SP140L: variants seen among roughly 807,000 people sequenced by gnomAD.
SP140L encodes SP140 like nuclear body protein, also known as nuclear body protein SP140-like protein.
In SP140L, 64 loss-of-function variants were observed where a neutral mutation model predicts 84.3. The observed-to-expected ratio is 0.76, with a 90% CI of 0.62 to 0.94. SP140L has a LOEUF of 0.94. SP140L is among the 40% of genes least tolerant of loss of function. The pLI is 0.00. For synonymous variants in SP140L, 242 were observed against 236.9 expected, an observed-to-expected ratio of 1.02 and a Z score of -0.20; for missense variants, 628 against 692.5, an observed-to-expected ratio of 0.91 and a Z score of 1.05.
Position 230,389,959 on chromosome 2 carries a change from T to A in SP140L, c.900T>A (p.Ala300=), listed in dbSNP as rs949388171. The stretch of plus-strand genomic sequence containing the variant: ...AAGATGAAACTGTGGATTTTCAGGC[T>A]CCTTTACTTCCAGTGACCTGTGGTG... The part of the protein sequence containing the change: ...KHKDETVDFQ[A]PLLPVTCGGV... The change falls in exon 11 of 19, where the codon GCT becomes GCA. Residue 300 remains alanine, a synonymous_variant. Transcript: ENST00000415673. 1 of 1,613,780 alleles carries A rather than the reference T, an allele frequency of 6.2e-7. No homozygotes were observed. The highest frequency in any genetic ancestry group is 8.5e-7 in the Non-Finnish European group (1 of 1,179,852).
rs544119270 is a variant in SP140L, at chr2:230,385,309, G to A, written c.784+5G>A. On this transcript the variant is annotated splice_donor_5th_base_variant and intron_variant, in intron 9 of 18. Transcript: ENST00000415673. ...AAGACCTTTCCAAGATTAGGGGTAAGATAAAGTTGGTACCACTTTTCATTT... is the reference window on the plus strand; with the variant it reads ...AAGACCTTTCCAAGATTAGGGGTAAAATAAAGTTGGTACCACTTTTCATTT... The A allele has an allele frequency of 1.2e-6, 2 of 1,613,356 alleles. No individual in the cohort carries two copies. Among genetic ancestry groups the A allele is most frequent in the Admixed American group, 1.7e-5 (1 of 59,992 alleles).
chr2:230,350,791 G>C (rs1387538549), intron 2 of SP140L, among the ~76,000 whole-genome samples: 1 of 152,148 alleles, frequency 6.6e-6, no homozygotes, highest in Non-Finnish European at 1.5e-5. Context: ...GTTGGTCAAA[G>C]AAAATCTCAT....
Position 230,357,815 on chromosome 2 carries a change from G to A in SP140L, c.118G>A (p.Glu40Lys). ...HSQSLQRLFT[E>K]DQDVDEGLVY... ...GTCCTTTTTCCTTAGGCTGTTCACG[G>A]AAGACCAGGATGTAGATGAGGGACT... The change falls in exon 3 of 19, where the codon GAA becomes AAA. Residue 40 changes from glutamate (E) to lysine (K), a missense_variant. Around this residue, in one of 4 missense-constraint regions of SP140L, gnomAD observed 525 missense variants for 518.4 expected, o/e 1.01. Coordinates refer to ENST00000415673, the MANE Select transcript of SP140L (RefSeq NM_138402.6). 4 of 1,610,286 alleles carry A rather than the reference G, an allele frequency of 2.5e-6. No homozygotes were observed. The highest frequency in any genetic ancestry group is 3.4e-6 in the Non-Finnish European group (4 of 1,178,882).
chr2:230,361,841 A>T (rs555389413), intron 5 of SP140L, 144 bp downstream of exon 5: 5 of 636,748 alleles, frequency 7.9e-6, no homozygotes, highest in Non-Finnish European at 1.4e-5. Flanking sequence ...AGGGGGTTGT[A>T]TGAGCTCCTA....
intron 5 of SP140L, among the ~76,000 whole-genome samples, chr2:230,362,261 T>TA (rs1475902198): frequency 6.6e-6 from 1 of 152,178 alleles, no homozygotes; most frequent in Non-Finnish European, 1.5e-5. Flanking sequence ...ATGGGGTTGT[T>TA]ATGCATAACA....
intron 2 of SP140L, among the ~76,000 whole-genome samples, chr2:230,350,156 T>C (rs1449342188): frequency 1.3e-5 from 2 of 152,194 alleles, no homozygotes; most frequent in East Asian, 3.8e-4. Flanking sequence ...ACTAAGCCAG[T>C]GTTAACACCT....
At chr2:230,401,304 C>A (rs2062328112) in intron 16 of SP140L, 62 bp from the exon 17 acceptor site, 1 of 1,610,862 alleles carries the variant, frequency 6.2e-7, no homozygotes, top group African/African-American at 1.4e-5. Flanking sequence ...TGTGCTGTGT[C>A]TCATGCATGT....
intron 15 of SP140L, 159 bp downstream of exon 15, chr2:230,400,401 C>G: frequency 1.5e-6 from 1 of 680,160 alleles, no homozygotes; most frequent in South Asian, 1.9e-5. Context: ...GTGGGAGACG[C>G]TGGCAGCAGG....
At chr2:230,332,889 A>C (rs1219422933) in intron 2 of SP140L, among the ~76,000 whole-genome samples, 1 of 152,174 alleles carries the variant, frequency 6.6e-6, no homozygotes, top group Non-Finnish European at 1.5e-5. Flanking sequence ...GAAGCTAGAC[A>C]TCTCTCCTGT....
intron 2 of SP140L, among the ~76,000 whole-genome samples, chr2:230,352,713 T>C (rs1187290377): frequency 6.6e-6 from 1 of 152,164 alleles, no homozygotes; most frequent in Non-Finnish European, 1.5e-5. Context: ...TTATACAACA[T>C]GTATTACTGT....
chr2:230,371,388 G>A (rs577920052), intron 6 of SP140L, among the ~76,000 whole-genome samples: 3 of 152,242 alleles, frequency 2.0e-5, no homozygotes, highest in African/African-American at 7.2e-5. Context: ...TCTACTCTTA[G>A]CCCAACACGT....
At chr2:230,382,300 G>A (rs533047489) in intron 7 of SP140L, among the ~76,000 whole-genome samples, 2 of 152,216 alleles carry the variant, frequency 1.3e-5, no homozygotes, top group East Asian at 3.9e-4. Context: ...AGCATTCTCA[G>A]AGGTGGGAGC....
intron 2 of SP140L, among the ~76,000 whole-genome samples, chr2:230,346,494 C>T (rs1022714233): frequency 1.2e-4 from 19 of 152,070 alleles, no homozygotes; most frequent in African/African-American, 4.6e-4. Context: ...TTTCTCTCTT[C>T]TTCTGTAATT....
intron 12 of SP140L, 21 bp downstream of exon 12, chr2:230,392,250 C>T (rs554027976): frequency 6.2e-7 from 1 of 1,612,924 alleles, no homozygotes; most frequent in African/African-American, 1.3e-5. Context: ...GACAAGAGGC[C>T]AGACCTGTGC....
intron 13 of SP140L, 55 bp downstream of exon 13, chr2:230,393,516 A>G: frequency 6.7e-7 from 1 of 1,494,942 alleles, no homozygotes. Context: ...TTTAACATGT[A>G]CAACATCTTA....
intron 2 of SP140L, among the ~76,000 whole-genome samples, chr2:230,351,667 G>A (rs1197942971): frequency 1.3e-5 from 2 of 150,668 alleles, no homozygotes; most frequent in East Asian, 1.9e-4. Context: ...GTTTTTTTTC[G>A]AGACGGAGTC....
rs144522612 is a variant in SP140L at position 230,389,737 on chromosome 2, T to G, written c.860-182T>G. ...TTCTGTGAAATTTGAAAGGTGAAAT[T>G]GGGGCACACATTCTGTAGTTACCGA... On this transcript the variant is annotated intron_variant, in intron 10 of 18. Transcript: ENST00000415673. Among the ~76,000 whole-genome samples the G allele has an allele frequency of 6.8e-3, 1,036 of 152,298 alleles. 8 individuals are homozygous for G. The highest frequency in any genetic ancestry group is 0.023 in the African/African-American group (946 of 41,560).
At position 230,383,569 on chromosome 2, in the gene SP140L, C is replaced by T. The variant is rs376032953; in HGVS notation, c.697C>T (p.Gln233Ter). The change falls in exon 8 of 19, where the codon CAA becomes TAA. Residue 233 changes from glutamine to a stop codon, truncating the protein, a stop_gained. Coordinates refer to ENST00000415673, the MANE Select transcript of SP140L (RefSeq NM_138402.6). LOFTEE classifies it high-confidence loss of function. The part of the protein sequence containing the change: ...MGTRTQKNNQ[Q>*]NDNSKADGQL... ...AACGAGAACGCAGAAAAACAACCAA[C>T]AAAATGGTAAGCAGGCAAAGTGAAG... 2.0e-5 allele frequency: 32 copies of T among 1,602,296 alleles called. No homozygotes were observed. The highest frequency in any genetic ancestry group is 2.6e-5 in the Non-Finnish European group (30 of 1,174,402).
At chr2:230,362,637 G>A (rs569913978) in intron 5 of SP140L, among the ~76,000 whole-genome samples, 2 of 152,080 alleles carry the variant, frequency 1.3e-5, no homozygotes, top group African/African-American at 2.4e-5. Flanking sequence ...CTATTCTATG[G>A]CAATTGTGAG....
Sources: gnomAD v4.1 joint callset for allele counts (sites outside exome capture counted in the v4.1 genomes callset) on GRCh38, gnomAD v4.1.1 for gene constraint, gnomAD v4.1.1 regional missense constraint, MANE v1.5 for transcripts, NCBI Gene and HGNC (gene_info 2026-07-23, HGNC 2026-07-21) for gene names.